The following INSL6 variants were observed in gnomAD, a reference collection of about 807,000 sequenced individuals.
INSL6 encodes insulin like 6, also known as insulin-like peptide INSL6.
INSL6 carries 16 observed loss-of-function variants against 9.4 expected under a neutral mutation model. That is an observed-to-expected ratio of 1.70 (90% CI 1.15 to 2.59). The LOEUF is 2.59. Ranked by LOEUF, INSL6 falls within the 30% of genes most tolerant of loss-of-function variation. The pLI, the probability that INSL6 is intolerant of heterozygous loss-of-function variation, is 0.00. For synonymous variants in INSL6, 154 were observed against 96.9 expected (o/e 1.59, Z -3.46); for missense variants, 391 against 257.3 (o/e 1.52, Z -3.56).
the INSL6 span, among the ~76,000 whole-genome samples, chr9:5,020,165 C>T: frequency 2.3e-4 from 35 of 152,158 alleles, no homozygotes; most frequent in African/African-American, 6.5e-4. Flanking sequence ...GTGCTTATGT[C>T]GGCAGTGACG....
the INSL6 span, among the ~76,000 whole-genome samples, chr9:4,996,655 A>G: frequency 6.7e-6 from 1 of 148,862 alleles, no homozygotes; most frequent in East Asian, 1.9e-4. Flanking sequence ...GGAATCCACC[A>G]TTTAGGACCC....
At chr9:5,177,591 G>C (rs1030179465) in intron 1 of INSL6, among the ~76,000 whole-genome samples, 1 of 152,190 alleles carries the variant, frequency 6.6e-6, no homozygotes, top group African/African-American at 2.4e-5. Flanking sequence ...CCAAGGAAGG[G>C]GGCTGAATCC....
chr9:5,081,697 A>T, the INSL6 span: 5 of 1,510,708 alleles, frequency 3.3e-6, no homozygotes, highest in Non-Finnish European at 4.6e-6. Flanking sequence ...TTGCTAATTT[A>T]AGGTGATAAT....
At chr9:5,006,498 G>GT in the INSL6 span, among the ~76,000 whole-genome samples, 1 of 152,148 alleles carries the variant, frequency 6.6e-6, no homozygotes, top group African/African-American at 2.4e-5. Flanking sequence ...AGACTGGGTA[G>GT]TTTTTAAAGA....
the INSL6 span, among the ~76,000 whole-genome samples, chr9:5,087,234 TAC>T: frequency 3.9e-5 from 6 of 152,176 alleles, no homozygotes; most frequent in Non-Finnish European, 7.3e-5. Flanking sequence ...TCAGGAAACT[TAC>T]AGTCATGGCA....
the INSL6 span, chr9:5,021,891 G>T: frequency 2.3e-6 from 2 of 854,278 alleles, no homozygotes; most frequent in East Asian, 2.6e-5. Context: ...CCTCGGCCCC[G>T]CAAAGTGCTA....
At chr9:5,100,759 T>G in the INSL6 span, 2 of 152,256 alleles carry the variant, frequency 1.3e-5, no homozygotes, top group African/African-American at 2.4e-5. Flanking sequence ...TACTTCACCC[T>G]CCTACAAATC....
At chr9:5,004,179 C>T in the INSL6 span, among the ~76,000 whole-genome samples, 20 of 152,130 alleles carry the variant, frequency 1.3e-4, no homozygotes, top group South Asian at 2.1e-4. Flanking sequence ...TTCAAGTATA[C>T]GATATATTGT....
the INSL6 span, among the ~76,000 whole-genome samples, chr9:5,026,043 T>G: frequency 1.3e-5 from 2 of 152,178 alleles, no homozygotes; most frequent in African/African-American, 2.4e-5. Context: ...CAAAGATCTA[T>G]TTTGCAAAGA....
chr9:5,000,847 C>G, the INSL6 span, among the ~76,000 whole-genome samples: 1 of 152,132 alleles, frequency 6.6e-6, no homozygotes, highest in African/African-American at 2.4e-5. Flanking sequence ...CAGGTAAGAA[C>G]TTGATAACGT....
intron 1 of INSL6, among the ~76,000 whole-genome samples, chr9:5,172,062 C>T (rs898548743): frequency 6.6e-6 from 1 of 152,148 alleles, no homozygotes; most frequent in African/African-American, 2.4e-5. Context: ...TGAAGGGAGG[C>T]ATCACACTAC....
At chr9:5,009,982 GGGCT>G in the INSL6 span, among the ~76,000 whole-genome samples, 4 of 152,100 alleles carry the variant, frequency 2.6e-5, no homozygotes, top group African/African-American at 9.7e-5. Context: ...AATGTTGCCG[GGGCT>G]AGTCTTGAGC....
chr9:5,175,107 T>A (rs1254808558), intron 1 of INSL6, among the ~76,000 whole-genome samples: 1 of 151,894 alleles, frequency 6.6e-6, no homozygotes. Context: ...GCCCAGCAAA[T>A]TTTTTGTGTT....
chr9:5,127,430 C>T (rs903863375), intron 3 of INSL6: 1 of 231,362 alleles, frequency 4.3e-6, no homozygotes, highest in African/African-American at 2.2e-5. Context: ...ATAAAGGGAA[C>T]AAATGTCTAG....
chr9:5,113,764 G>T, the INSL6 span: 1 of 165,722 alleles, frequency 6.0e-6, no homozygotes, highest in South Asian at 1.6e-4. Context: ...CCAGCCAGCT[G>T]ACTGCCTCGG....
chr9:5,111,517 C>G, the INSL6 span: 126 of 369,212 alleles, frequency 3.4e-4, 1 homozygote, highest in South Asian at 1.1e-3. Flanking sequence ...ATCCATCCGC[C>G]AAGACGCCCA....
chr9:5,132,913 C>T (rs1424162073), intron 3 of INSL6: 2 of 152,126 alleles, frequency 1.3e-5, no homozygotes, highest in Non-Finnish European at 2.9e-5. Flanking sequence ...GGAATATGAG[C>T]CCTAATCATA....
At chr9:5,082,540 C>T in the INSL6 span, among the ~76,000 whole-genome samples, 1 of 152,234 alleles carries the variant, frequency 6.6e-6, no homozygotes, top group Non-Finnish European at 1.5e-5. Context: ...AGGCAGGAGA[C>T]AGTGGCCTTC....
At chr9:5,054,607 A>T in the INSL6 span, 1 of 1,611,438 alleles carries the variant, frequency 6.2e-7, no homozygotes, top group Non-Finnish European at 8.5e-7. The surrounding 1 kb of genome is among the most constrained non-coding windows in gnomAD (Gnocchi z 4.9). Flanking sequence ...AAGATCCAAG[A>T]CTATCATATT....
Sources: allele counts gnomAD v4.1 joint callset (sites outside exome capture counted in the v4.1 genomes callset), GRCh38; gene constraint gnomAD v4.1.1; non-coding constraint Gnocchi (gnomAD v3.1); transcripts MANE v1.5; gene names NCBI Gene and HGNC (gene_info 2026-07-23, HGNC 2026-07-21).